Variants in SGCZ observed in about 807,000 individuals in gnomAD.
SGCZ encodes the protein zeta-sarcoglycan.
Under a neutral mutation model 41.3 loss-of-function variants are expected in SGCZ, and 40 were observed. That is an observed-to-expected ratio of 0.97 (90% CI 0.75 to 1.26). The LOEUF (loss-of-function observed/expected upper bound fraction) is 1.26. Ranked by LOEUF, SGCZ falls within the 50% of genes most tolerant of loss-of-function variation. The pLI is 0.00. For synonymous variants in SGCZ, 206 were observed against 137.5 expected (o/e 1.50, Z -3.49); for missense variants, 552 against 369.8 (o/e 1.49, Z -4.04).
intron 1 of SGCZ, among the ~76,000 whole-genome samples, chr8:14,991,889 T>C (rs1563416989): frequency 6.6e-6 from 1 of 150,404 alleles, no homozygotes; most frequent in Non-Finnish European, 1.5e-5. Context: ...TTACCTCTCA[T>C]CCAATCTACT....
intron 1 of SGCZ, among the ~76,000 whole-genome samples, chr8:14,899,553 G>T (rs1174743787): frequency 5.3e-5 from 8 of 152,138 alleles, no homozygotes; most frequent in Non-Finnish European, 8.8e-5. Flanking sequence ...GCTGGAAAAG[G>T]AATGCCCTTC....
chr8:14,882,531 A>G (rs754939180), intron 1 of SGCZ, among the ~76,000 whole-genome samples: 9 of 152,154 alleles, frequency 5.9e-5, no homozygotes, highest in Non-Finnish European at 1.0e-4. Context: ...CTGCTATGTA[A>G]TAAAGATATT....
At chr8:14,700,768 A>C (rs2117596304) in intron 1 of SGCZ, among the ~76,000 whole-genome samples, 1 of 152,130 alleles carries the variant, frequency 6.6e-6, no homozygotes, top group Non-Finnish European at 1.5e-5. Flanking sequence ...GCACACAAAA[A>C]TTAGCTAATA....
At chr8:14,190,014 CTTTTT>C (rs71304966) in intron 4 of SGCZ, among the ~76,000 whole-genome samples, 3 of 100,202 alleles carry the variant, frequency 3.0e-5, no homozygotes, top group Non-Finnish European at 3.9e-5. Flanking sequence ...TTCTTTCTTT[CTTTTT>C]TTTTTTTTTT....
intron 1 of SGCZ, among the ~76,000 whole-genome samples, chr8:15,132,967 C>CCATATCTA (rs1238702056): frequency 6.6e-6 from 1 of 152,036 alleles, no homozygotes; most frequent in Admixed American, 6.6e-5. Flanking sequence ...TGATGAAACC[C>CCATATCTA]CATATCTACA....
At chr8:14,576,326 C>A (rs907102718) in intron 1 of SGCZ, among the ~76,000 whole-genome samples, 2 of 152,046 alleles carry the variant, frequency 1.3e-5, no homozygotes, top group Non-Finnish European at 2.9e-5. Flanking sequence ...GAAAGTCTAT[C>A]CTGAAGTGAG....
intron 2 of SGCZ, among the ~76,000 whole-genome samples, chr8:14,411,065 AT>A: frequency 6.6e-6 from 1 of 152,302 alleles, no homozygotes; most frequent in Non-Finnish European, 1.5e-5. Context: ...GCTAAAGAAC[AT>A]TTAGATAGTA....
chr8:15,099,467 A>C (rs1806518367), intron 1 of SGCZ, among the ~76,000 whole-genome samples: 1 of 152,176 alleles, frequency 6.6e-6, no homozygotes, highest in Non-Finnish European at 1.5e-5. Context: ...AAATCAAATA[A>C]TAGCTTCCCC....
At chr8:14,297,579 T>C (rs1427627054) in intron 3 of SGCZ, among the ~76,000 whole-genome samples, 2 of 151,710 alleles carry the variant, frequency 1.3e-5, no homozygotes, top group Non-Finnish European at 2.9e-5. Flanking sequence ...GACAATAATA[T>C]AGAGCACATT....
intron 1 of SGCZ, among the ~76,000 whole-genome samples, chr8:15,156,252 T>A (rs543638316): frequency 6.6e-6 from 1 of 152,256 alleles, no homozygotes; most frequent in East Asian, 1.9e-4. Flanking sequence ...CCTGAAAGAC[T>A]GAGGCCTTAT....
intron 1 of SGCZ, among the ~76,000 whole-genome samples, chr8:15,069,530 G>A (rs1021652656): frequency 1.3e-5 from 2 of 152,178 alleles, no homozygotes; most frequent in African/African-American, 4.8e-5. Flanking sequence ...CCACCCAGCA[G>A]TATACTGGCC....
intron 1 of SGCZ, among the ~76,000 whole-genome samples, chr8:15,215,126 C>A (rs1801358121): frequency 6.6e-6 from 1 of 152,098 alleles, no homozygotes; most frequent in South Asian, 2.1e-4. Flanking sequence ...TAAAACAGTA[C>A]AAGAAATTAG....
chr8:14,156,544 TTATG>T (rs1374247957), intron 5 of SGCZ, among the ~76,000 whole-genome samples: 1 of 152,196 alleles, frequency 6.6e-6, no homozygotes, highest in Non-Finnish European at 1.5e-5. Flanking sequence ...CATTTTAATA[TTATG>T]TAATTTTTAA....
At chr8:15,138,557 A>C (rs1265738678) in intron 1 of SGCZ, among the ~76,000 whole-genome samples, 1 of 152,126 alleles carries the variant, frequency 6.6e-6, no homozygotes, top group African/African-American at 2.4e-5. Flanking sequence ...GGTTTCCTCC[A>C]TGCCGTTCTC....
intron 2 of SGCZ, among the ~76,000 whole-genome samples, chr8:14,325,747 CATATATATATATATAT>C (rs370021799): frequency 0.025 from 1,725 of 69,294 alleles, 37 homozygotes; most frequent in African/African-American, 0.045. Context: ...CACACACACA[CATATATATATATATAT>C]ATATATATAT....
rs568053835 is a variant in SGCZ at position 14,716,909 on chromosome 8, A to G, written c.40-161983T>C. ...CCTCTAATGCTACATGAGTTTCAAA[A>G]TATCCATCTAATACAATGCAATTAT... On this transcript the variant is annotated intron_variant, in intron 1 of 7. Transcript: ENST00000382080. Among the ~76,000 whole-genome samples, 4 of 152,256 alleles carry G rather than the reference A, an allele frequency of 2.6e-5. No individual in the cohort carries two copies. In the South Asian group the frequency reaches 8.3e-4, roughly 32 times the overall value.
chr8:14,613,157 G>C (rs1326529864), intron 1 of SGCZ, among the ~76,000 whole-genome samples: 1 of 152,124 alleles, frequency 6.6e-6, no homozygotes, highest in Non-Finnish European at 1.5e-5. Flanking sequence ...TGCTGAGTGG[G>C]GGCCCTCCAT....
chr8:14,488,374 A>G (rs951780746), intron 2 of SGCZ, among the ~76,000 whole-genome samples: 2 of 152,182 alleles, frequency 1.3e-5, no homozygotes, highest in African/African-American at 2.4e-5. Flanking sequence ...GCTTATGAGC[A>G]AGAGACCACA....
At chr8:14,376,084 C>T (rs954262908) in intron 2 of SGCZ, among the ~76,000 whole-genome samples, 5 of 152,044 alleles carry the variant, frequency 3.3e-5, no homozygotes, top group South Asian at 2.1e-4. Context: ...GAGGCCGAGG[C>T]GGGTGGATCA....
Sources: allele counts gnomAD v4.1 joint callset (sites outside exome capture counted in the v4.1 genomes callset), GRCh38; gene constraint gnomAD v4.1.1; transcripts MANE v1.5; gene names NCBI Gene and HGNC (gene_info 2026-07-23, HGNC 2026-07-21).